The following ENTPD3 variants were observed in gnomAD, a reference collection of about 807,000 sequenced individuals.
ENTPD3 encodes ectonucleoside triphosphate diphosphohydrolase 3, also known as CD39 antigen-like 3.
ENTPD3 carries 60 observed loss-of-function variants against 51.2 expected under a neutral mutation model. That is an observed-to-expected ratio of 1.17 (90% CI 0.95 to 1.45). The LOEUF is 1.45. Ranked by LOEUF, ENTPD3 falls within the 40% of genes most tolerant of loss-of-function variation. The probability of loss-of-function intolerance (pLI) is 0.00; values close to 1 mark genes in which losing one functional copy is unlikely to be tolerated. For synonymous variants in ENTPD3, 221 were observed against 238.4 expected, an observed-to-expected ratio of 0.93 and a Z score of 0.67; for missense variants, 593 against 641.1, an observed-to-expected ratio of 0.93 and a Z score of 0.81.
chr3:40,425,868 AGC>A (rs2125613852), intron 10 of ENTPD3, among the ~76,000 whole-genome samples: 1 of 150,062 alleles, frequency 6.7e-6, no homozygotes, highest in East Asian at 2.0e-4. Context: ...ATTTCACTTT[AGC>A]CTGGGCGAAA....
intron 7 of ENTPD3, among the ~76,000 whole-genome samples, chr3:40,420,978 G>A (rs139083492): frequency 9.6e-4 from 146 of 151,484 alleles, no homozygotes; most frequent in African/African-American, 3.4e-3. Flanking sequence ...AACACAGGGA[G>A]ACCCCACCTC....
At chr3:40,413,926 T>G (rs577820868) in intron 5 of ENTPD3, among the ~76,000 whole-genome samples, 1 of 152,368 alleles carries the variant, frequency 6.6e-6, no homozygotes, top group South Asian at 2.1e-4. Context: ...GGAATTGGAA[T>G]GGATCCTGCT....
At chr3:40,388,572 GCACACACACACAGACACA>G (rs1348133906) in intron 2 of ENTPD3, among the ~76,000 whole-genome samples, 67 of 94,126 alleles carry the variant, frequency 7.1e-4, no homozygotes, top group East Asian at 3.4e-3. Context: ...ACACTGGAAG[GCACACACACACAGACACA>G]CACACACACA....
rs968106740 is a variant in ENTPD3, at chr3:40,415,720, C to T, written c.598-120C>T. The T allele has an allele frequency of 1.3e-5, 9 of 706,954 alleles. No individual in the cohort carries two copies. In the African/African-American group the frequency reaches 1.6e-4, roughly 13 times the overall value. The allele number at this position is 706,954 out of a possible 1,614,324, so 43.8% of individuals were successfully genotyped here. ...TCTAAAAGAAAAGGAAAGAATTGGC[C>T]TCACATGCTCCCTCTGTCCTACTTC... On this transcript the variant is annotated intron_variant, in intron 6 of 10. Coordinates refer to ENST00000301825, the MANE Select transcript of ENTPD3 (RefSeq NM_001248.4).
chr3:40,417,357 C>T (rs1356360743), intron 7 of ENTPD3, among the ~76,000 whole-genome samples: 1 of 152,188 alleles, frequency 6.6e-6, no homozygotes, highest in Non-Finnish European at 1.5e-5. Flanking sequence ...CTTCAGGAAA[C>T]TTAAAATCAT....
At chr3:40,403,303 G>T (rs952656351) in intron 4 of ENTPD3, among the ~76,000 whole-genome samples, 7 of 152,174 alleles carry the variant, frequency 4.6e-5, no homozygotes, top group African/African-American at 1.7e-4. Context: ...ATTATGGAGT[G>T]CAAGGTGGTT....
intron 8 of ENTPD3, 81 bp from the exon 9 acceptor site, chr3:40,423,209 CA>C: frequency 6.5e-7 from 1 of 1,545,234 alleles, no homozygotes. Flanking sequence ...ACTTGTTAGC[CA>C]CCTTCTTATT....
chr3:40,414,937 G>A, intron 6 of ENTPD3, 97 bp downstream of exon 6: 1 of 1,231,572 alleles, frequency 8.1e-7, no homozygotes, highest in Non-Finnish European at 1.2e-6. Context: ...AGGGATATCT[G>A]CCCTGTATCA....
intron 5 of ENTPD3, among the ~76,000 whole-genome samples, chr3:40,414,117 A>G (rs1290045132): frequency 1.3e-5 from 2 of 152,186 alleles, no homozygotes; most frequent in Non-Finnish European, 1.5e-5. Context: ...CACTCCTCTA[A>G]GAGTCAGCAC....
At chr3:40,421,922 A>C (rs1002422820) in intron 7 of ENTPD3, among the ~76,000 whole-genome samples, 1 of 152,184 alleles carries the variant, frequency 6.6e-6, no homozygotes, top group African/African-American at 2.4e-5. Flanking sequence ...CTGCAAGTGG[A>C]TGAGAAGGAG....
chr3:40,421,035 T>A (rs1955860386), intron 7 of ENTPD3, among the ~76,000 whole-genome samples: 1 of 151,174 alleles, frequency 6.6e-6, no homozygotes, highest in Non-Finnish European at 1.5e-5. Flanking sequence ...ATTTTTTTTT[T>A]TTTTTTGAGA....
At position 40,392,168 on chromosome 3, in the gene ENTPD3, G is replaced by C; in HGVS notation, c.168+18G>C. 3 of 1,611,726 alleles carry C rather than the reference G, an allele frequency of 1.9e-6. No homozygotes were observed. Among genetic ancestry groups the C allele is most frequent in the Non-Finnish European group, 2.5e-6 (3 of 1,178,574 alleles). ...GACTGAAGGTAAGTGTGAAGGGACT[G>C]GCAACAAAGGGAAGAAATGAGCATA... is the stretch of plus-strand genomic sequence containing the variant. On this transcript the variant is annotated intron_variant, in intron 3 of 10. Transcript: ENST00000301825.
chr3:40,422,279 G>C (rs1026667577), intron 7 of ENTPD3, among the ~76,000 whole-genome samples: 5 of 149,840 alleles, frequency 3.3e-5, no homozygotes, highest in African/African-American at 1.2e-4. Context: ...TTGCAAAAGG[G>C]AAATACTTGG....
chr3:40,410,041 C>A (rs1264062827), intron 4 of ENTPD3, among the ~76,000 whole-genome samples: 1 of 152,150 alleles, frequency 6.6e-6, no homozygotes, highest in Non-Finnish European at 1.5e-5. Flanking sequence ...ATCTAGATGT[C>A]TCTGAATATA....
At chr3:40,397,392 G>A (rs1390661559) in intron 3 of ENTPD3, among the ~76,000 whole-genome samples, 2 of 151,856 alleles carry the variant, frequency 1.3e-5, no homozygotes, top group African/African-American at 4.8e-5. Context: ...TCATGGCTAT[G>A]AGTACAGGTT....
chr3:40,397,489 C>T (rs1266641619), intron 3 of ENTPD3, among the ~76,000 whole-genome samples: 3 of 151,084 alleles, frequency 2.0e-5, no homozygotes, highest in Non-Finnish European at 4.4e-5. Flanking sequence ...GCCCATGTGT[C>T]GAATGGTATG....
Position 40,404,912 on chromosome 3 carries a change from G to T in ENTPD3, c.286+3901G>T, listed in dbSNP as rs113802271. On this transcript the variant is annotated intron_variant, in intron 4 of 10. Transcript: ENST00000301825. ...TTCTGGTTGGTATCAACCCCCAGTT[G>T]CTACTGTTTTCCATGAGTTCATTGC... Among the ~76,000 whole-genome samples the T allele has an allele frequency of 5.5e-3, 843 of 152,278 alleles. 5 individuals are homozygous for T. The highest frequency in any genetic ancestry group is 0.018 in the African/African-American group (755 of 41,544).
intron 2 of ENTPD3, chr3:40,391,427 A>C: frequency 6.6e-6 from 1 of 152,036 alleles, no homozygotes; most frequent in East Asian, 1.9e-4. Context: ...CTGTAATCCC[A>C]GCACTTTGGG....
intron 4 of ENTPD3, among the ~76,000 whole-genome samples, chr3:40,407,900 A>G (rs1955541517): frequency 6.6e-6 from 1 of 152,224 alleles, no homozygotes; most frequent in African/African-American, 2.4e-5. Flanking sequence ...GATGTACACT[A>G]GGAAAAACCT....
Sources: allele counts gnomAD v4.1 joint callset (sites outside exome capture counted in the v4.1 genomes callset), GRCh38; gene constraint gnomAD v4.1.1; transcripts MANE v1.5; gene names NCBI Gene and HGNC (gene_info 2026-07-23, HGNC 2026-07-21).